The following TMEM200C variants were observed in gnomAD, a reference collection of about 807,000 sequenced individuals.
TMEM200C encodes the protein transmembrane protein 200C.
For synonymous variants in TMEM200C, 462 were observed against 324.7 expected, an observed-to-expected ratio of 1.42 and a Z score of -4.55; for missense variants, 966 against 699.9, an observed-to-expected ratio of 1.38 and a Z score of -4.29.
At chr18:5,890,577 T>G in exon 3 of TMEM200C, 1 of 1,289,012 alleles carries the variant, frequency 7.8e-7, no homozygotes, top group Non-Finnish European at 9.9e-7. Flanking sequence ...AGGGCTGGAG[T>G]CCGGGTCCGC....
exon 2 of TMEM200C, chr18:5,895,373 G>C (rs2095175034): frequency 6.6e-6 from 1 of 151,340 alleles, no homozygotes; most frequent in Non-Finnish European, 1.5e-5. Context: ...CCCTGCGGCC[G>C]CGCCGCCGGC....
At chr18:5,895,704 G>A (rs1344326111) in intron 1 of TMEM200C, among the ~76,000 whole-genome samples, 182 bp from the exon 1 acceptor site, 5 of 150,350 alleles carry the variant, frequency 3.3e-5, no homozygotes, top group African/African-American at 1.2e-4. Context: ...GAGGCGTGAG[G>A]GGAGGCGGCG....
At chr18:5,889,406 A>G in exon 3 of TMEM200C, 1 of 152,230 alleles carries the variant, frequency 6.6e-6, no homozygotes, top group East Asian at 1.9e-4. Flanking sequence ...ATGAGGCAAT[A>G]TTATGTTTAA....
chr18:5,890,658 C>G (rs1448835932), exon 3 of TMEM200C: 1 of 650,746 alleles, frequency 1.5e-6, no homozygotes, highest in African/African-American at 1.9e-5. Flanking sequence ...GGTGCTGCGG[C>G]GCCGCAAGGC....
chr18:5,891,844 A>G lies in TMEM200C; in HGVS notation c.220T>C (p.Tyr74His). ...TTGGTCCCGGTGGCCTTGGGCCAGT[A>G]GCCCACCACCGCCATGGCTATGCCC... The change falls in exon 3 of 3, where the codon TAC becomes CAC. Residue 74 changes from tyrosine to histidine, a missense_variant. By Grantham distance (83) the Tyr-to-His change is moderately conservative. Coordinates refer to ENST00000581347, the Ensembl canonical transcript of TMEM200C. This position sits in a 1 kb window ranked among gnomAD's most constrained non-coding sequence, Gnocchi z 4.7. The G allele has an allele frequency of 1.9e-6, 3 of 1,606,706 alleles. No individual in the cohort carries two copies. The highest frequency in any genetic ancestry group is 2.5e-6 in the Non-Finnish European group (3 of 1,177,998).
chr18:5,885,713 G>C (rs748370251), exon 3 of TMEM200C: 4 of 152,126 alleles, frequency 2.6e-5, no homozygotes, highest in Non-Finnish European at 5.9e-5. Flanking sequence ...ACTGGTGGTG[G>C]CTTAATAGAT....
exon 3 of TMEM200C, chr18:5,886,363 A>G (rs1259859377): frequency 6.6e-6 from 1 of 152,174 alleles, no homozygotes; most frequent in African/African-American, 2.4e-5. Flanking sequence ...AATATAGCCA[A>G]GTGTGCCAGT....
chr18:5,888,992 G>C (rs569911442), exon 3 of TMEM200C: 1 of 152,282 alleles, frequency 6.6e-6, no homozygotes, highest in African/African-American at 2.4e-5. Context: ...TTGTCTCCTG[G>C]TCTTGAAAAT....
exon 3 of TMEM200C, chr18:5,882,960 T>A (rs1474412561): frequency 6.6e-6 from 1 of 152,182 alleles, no homozygotes; most frequent in East Asian, 1.9e-4. Flanking sequence ...ATTTTCTTGC[T>A]CTTTATCAAG....
chr18:5,890,778 T>C (rs146496912), exon 3 of TMEM200C: 1 of 643,586 alleles, frequency 1.6e-6, no homozygotes, highest in South Asian at 1.6e-5. Flanking sequence ...CATGCTGCCC[T>C]CTGCGCCGCG....
chr18:5,890,449 G>C, exon 3 of TMEM200C: 1 of 1,581,452 alleles, frequency 6.3e-7, no homozygotes. Flanking sequence ...TCCCGCAGGG[G>C]TGTGTAGCCC....
exon 3 of TMEM200C, chr18:5,884,795 A>G (rs558440138): frequency 2.6e-5 from 4 of 152,286 alleles, no homozygotes; most frequent in Non-Finnish European, 5.9e-5. Context: ...TGACCTAGTT[A>G]TATCAGTCAT....
At chr18:5,895,466 G>A (rs1387792199) in exon 2 of TMEM200C, 3 of 149,914 alleles carry the variant, frequency 2.0e-5, no homozygotes, top group Non-Finnish European at 4.5e-5. Context: ...GGGGCGGCCG[G>A]ACTGGCGGCT....
At chr18:5,888,816 T>C (rs1940599) in exon 3 of TMEM200C, 43,706 of 152,016 alleles carry the variant, frequency 0.29, 6,787 homozygotes, top group Middle Eastern at 0.39. Flanking sequence ...ATGAGATATG[T>C]CTGGTTCTCT....
At chr18:5,890,960 G>A (rs892215158) in exon 3 of TMEM200C, 8 of 661,820 alleles carry the variant, frequency 1.2e-5, no homozygotes, top group Non-Finnish European at 1.9e-5. Flanking sequence ...CGAAGGAGCT[G>A]GCCGTGCTCT....
At chr18:5,882,099 A>AT (rs1279484405) in exon 3 of TMEM200C, 1 of 152,164 alleles carries the variant, frequency 6.6e-6, no homozygotes, top group Non-Finnish European at 1.5e-5. Flanking sequence ...TTTAATTAAC[A>AT]TTTTTCAGGC....
chr18:5,885,918 A>G (rs887208544), exon 3 of TMEM200C: 1 of 152,246 alleles, frequency 6.6e-6, no homozygotes, highest in African/African-American at 2.4e-5. Flanking sequence ...AAATTTTAAA[A>G]TAGTCTGGGT....
Position 5,891,500 on chromosome 18 carries a change from G to C in TMEM200C, c.564C>G (p.His188Gln), listed in dbSNP as rs2095171041. 5.6e-6 allele frequency: 9 copies of C among 1,608,600 alleles called. No homozygotes were observed. The highest frequency in any genetic ancestry group is 7.6e-6 in the Non-Finnish European group (9 of 1,177,714). ...TTTTGGTCTTCTTGTCCCGGTTCTC[G>C]TGGAGGACCGCGTTTGCGCAGATGA... The change falls in exon 3 of 3, where the codon CAC becomes CAG. Residue 188 changes from histidine to glutamine, a missense_variant. By Grantham distance (24) the His-to-Gln change is conservative. Coordinates refer to ENST00000581347, the Ensembl canonical transcript of TMEM200C. The surrounding 1 kb of genome is among the most constrained non-coding windows in gnomAD (Gnocchi z 4.7).
intron 2 of TMEM200C, among the ~76,000 whole-genome samples, chr18:5,894,578 G>T (rs1242874680): frequency 6.6e-6 from 1 of 152,228 alleles, no homozygotes; most frequent in East Asian, 1.9e-4. Flanking sequence ...AAATACAACT[G>T]CTTCCAAGAG....
Sources: gnomAD v4.1 joint callset for allele counts (sites outside exome capture counted in the v4.1 genomes callset) on GRCh38, gnomAD v4.1.1 for gene constraint, Gnocchi (gnomAD v3.1) non-coding constraint, MANE v1.5 for transcripts, NCBI Gene and HGNC (gene_info 2026-07-23, HGNC 2026-07-21) for gene names.